Variants in FGD4 observed in about 807,000 individuals in gnomAD.
The protein encoded by FGD4 is FYVE, RhoGEF and PH domain-containing protein 4.
A neutral mutation model predicts 102.0 loss-of-function variants in FGD4; 42 were observed. The observed-to-expected ratio is 0.41, with a 90% CI of 0.32 to 0.53. FGD4 has a LOEUF of 0.53. Ranked by LOEUF, FGD4 falls within the 20% of genes least tolerant of loss-of-function variation. FGD4 has a pLI of 0.21. For synonymous variants in FGD4, 380 were observed against 375.7 expected (o/e 1.01, Z -0.13); for missense variants, 902 against 1,078.2 (o/e 0.84, Z 2.29).
At chr12:32,411,325 A>G (rs1941198611) in intron 1 of FGD4, among the ~76,000 whole-genome samples, 1 of 151,684 alleles carries the variant, frequency 6.6e-6, no homozygotes, top group Non-Finnish European at 1.5e-5. Flanking sequence ...TCACGACGTC[A>G]GGAGTTGAGA....
chr12:32,599,673 G>C (rs1325681392), intron 5 of FGD4, among the ~76,000 whole-genome samples: 2 of 142,388 alleles, frequency 1.4e-5, no homozygotes, highest in East Asian at 4.6e-4. Context: ...TCAGCCTCCC[G>C]AGTAGCTGGA....
At chr12:32,469,057 C>T (rs182212879) in intron 1 of FGD4, among the ~76,000 whole-genome samples, 1 of 152,146 alleles carries the variant, frequency 6.6e-6, no homozygotes, top group Admixed American at 6.5e-5. Context: ...AACTCCTGAC[C>T]TCAGATGATC....
At chr12:32,534,261 G>A in intron 1 of FGD4, 2 of 1,283,618 alleles carry the variant, frequency 1.6e-6, no homozygotes, top group Non-Finnish European at 2.0e-6. Flanking sequence ...CTCTGGGGAG[G>A]TGTGGCATGT....
intron 11 of FGD4, among the ~76,000 whole-genome samples, chr12:32,620,255 C>T (rs1949726255): frequency 6.6e-6 from 1 of 152,164 alleles, no homozygotes; most frequent in Non-Finnish European, 1.5e-5. Context: ...ATGCTAATCT[C>T]TGAGTCTTTC....
Position 32,453,238 on chromosome 12 carries a change from T to TATA in FGD4, c.166+53279_166+53280insATA, listed in dbSNP as rs796401311. On this transcript the variant is annotated intron_variant, in intron 1 of 16. Coordinates refer to ENST00000534526, the MANE Select transcript of FGD4 (RefSeq NM_001370298.3). Reference sequence around the variant, plus strand: ...TATATATAATATAGATATATATATATTTTTTTTTTTTTAAATGTAGAGCCT... The same window carrying TATA: ...TATATATAATATAGATATATATATATATATTTTTTTTTTTTAAATGTAGAGCCT... Among the ~76,000 whole-genome samples the TATA allele has an allele frequency of 2.5e-3, 134 of 53,068 alleles. 3 individuals carry two copies. The highest frequency in any genetic ancestry group is 0.021 in the East Asian group (28 of 1,308). The allele number at this position is 53,068 out of a possible 152,430, so 34.8% of individuals were successfully genotyped here.
At position 32,585,834 on chromosome 12, in the gene FGD4, C is replaced by CAAAAAA. The variant is rs58688697; in HGVS notation, c.1011+3388_1011+3393dup. ...GGGCCACAGAGCTGAGACCTTGTCT[C>CAAAAAA]AAAAAAAAAAAAAAAAAAAAAAAAA... On this transcript the variant is annotated intron_variant, in intron 4 of 16. Transcript: ENST00000534526. 2.8e-3 allele frequency among the ~76,000 whole-genome samples: 194 copies of CAAAAAA among 68,806 alleles called. 9 individuals are homozygous for CAAAAAA. The highest frequency in any genetic ancestry group is 0.011 in the African/African-American group (186 of 17,498). The allele number at this position is 68,806 out of a possible 152,430, so 45.1% of individuals were successfully genotyped here. A position where few individuals can be genotyped will look rare whatever the true frequency, so the allele number is the denominator to read the frequency against.
At position 32,459,877 on chromosome 12, in the gene FGD4, T is replaced by A. The variant is rs529494128; in HGVS notation, c.166+59918T>A. On this transcript the variant is annotated intron_variant, in intron 1 of 16. Coordinates refer to ENST00000534526, the MANE Select transcript of FGD4 (RefSeq NM_001370298.3). Reference sequence around the variant, plus strand: ...CTGCATCTGGCTGATTTTTTTTGTTTTTTTTTGTTTTTGGAGAGACGTGGT... The same window carrying A: ...CTGCATCTGGCTGATTTTTTTTGTTATTTTTTGTTTTTGGAGAGACGTGGT... Among the ~76,000 whole-genome samples, 19 of 152,054 alleles carry A rather than the reference T, an allele frequency of 1.2e-4. No individual in the cohort carries two copies. The East Asian group carries it at 2.0e-3, about 16-fold the overall frequency.
chr12:32,595,484 C>T (rs1947822080), intron 4 of FGD4, among the ~76,000 whole-genome samples: 1 of 152,172 alleles, frequency 6.6e-6, no homozygotes, highest in African/African-American at 2.4e-5. Flanking sequence ...CCATTGGGCT[C>T]TGCCTTAAGA....
chr12:32,478,440 A>G (rs1171517409), intron 1 of FGD4, among the ~76,000 whole-genome samples: 2 of 151,996 alleles, frequency 1.3e-5, no homozygotes, highest in Non-Finnish European at 2.9e-5. Context: ...AATGTTTTGT[A>G]TTTTTTGTAC....
chr12:32,538,220 AGCATGTTATACAGGTTATTTT>A (rs1942473683), intron 1 of FGD4, among the ~76,000 whole-genome samples: 2 of 152,258 alleles, frequency 1.3e-5, no homozygotes, highest in South Asian at 4.1e-4. Context: ...TTTACCATTT[AGCATGTTATACAGGTTATTTT>A]TTTGTTGTGG....
chr12:32,539,424 C>T (rs1942608214), intron 1 of FGD4, among the ~76,000 whole-genome samples: 1 of 152,122 alleles, frequency 6.6e-6, no homozygotes, highest in African/African-American at 2.4e-5. Flanking sequence ...ATCAAATTAG[C>T]TGGGCGTAGT....
chr12:32,590,041 C>T (rs1199680449), intron 4 of FGD4, among the ~76,000 whole-genome samples: 1 of 152,096 alleles, frequency 6.6e-6, no homozygotes, highest in African/African-American at 2.4e-5. Context: ...GGCGCGGTGG[C>T]TTATGCCTGA....
At chr12:32,556,261 AT>A in intron 1 of FGD4, among the ~76,000 whole-genome samples, 1 of 152,216 alleles carries the variant, frequency 6.6e-6, no homozygotes, top group East Asian at 1.9e-4. Flanking sequence ...ATTTTTTTTA[AT>A]TTTAATTGTG....
chr12:32,409,892 G>T (rs141516191), intron 1 of FGD4, among the ~76,000 whole-genome samples: 3 of 151,810 alleles, frequency 2.0e-5, no homozygotes, highest in African/African-American at 7.3e-5. Flanking sequence ...TGGTCCAGTC[G>T]CAGTAGCTCA....
chr12:32,561,787 A>G (rs956907954), intron 1 of FGD4, among the ~76,000 whole-genome samples: 2 of 152,206 alleles, frequency 1.3e-5, no homozygotes, highest in African/African-American at 4.8e-5. Context: ...TTATACCAGA[A>G]AGTGAACAAA....
At chr12:32,570,890 G>C (rs1301337321) in intron 2 of FGD4, among the ~76,000 whole-genome samples, 1 of 152,102 alleles carries the variant, frequency 6.6e-6, no homozygotes, top group East Asian at 1.9e-4. Context: ...CAAAGAAGGG[G>C]GCAGATGAAG....
intron 7 of FGD4, 123 bp downstream of exon 7, chr12:32,602,440 C>G: frequency 9.2e-7 from 1 of 1,089,206 alleles, no homozygotes; most frequent in Non-Finnish European, 1.4e-6. Context: ...TCATTCTACT[C>G]CAAATTATGC....
At chr12:32,541,856 A>G (rs1050396931) in intron 1 of FGD4, among the ~76,000 whole-genome samples, 4 of 152,138 alleles carry the variant, frequency 2.6e-5, no homozygotes, top group Admixed American at 2.6e-4. Flanking sequence ...ATATTTCTCT[A>G]ATTTATAAGG....
chr12:32,578,422 T>C lies in FGD4; in HGVS notation c.503+1973T>C, dbSNP rs114668981. On this transcript the variant is annotated intron_variant, in intron 3 of 16. Coordinates refer to ENST00000534526, the MANE Select transcript of FGD4 (RefSeq NM_001370298.3). ...ATTTTTAACCTTCCTTATGAGAGCT[T>C]AGACTAGCTTTGTAAAATAGAGGGA... Among the ~76,000 whole-genome samples, 823 of 152,302 alleles carry C rather than the reference T, an allele frequency of 5.4e-3. 7 individuals are homozygous for C. The highest frequency in any genetic ancestry group is 0.018 in the African/African-American group (764 of 41,554).
Sources: allele counts gnomAD v4.1 joint callset (sites outside exome capture counted in the v4.1 genomes callset), GRCh38; gene constraint gnomAD v4.1.1; transcripts MANE v1.5; gene names NCBI Gene and HGNC (gene_info 2026-07-23, HGNC 2026-07-21).